Variants in RBMS3 observed in about 807,000 individuals in gnomAD.
RBMS3 encodes RNA binding motif single stranded interacting protein 3.
A neutral mutation model predicts 66.8 loss-of-function variants in RBMS3; 27 were observed. That is an observed-to-expected ratio of 0.40 (90% CI 0.30 to 0.56). The LOEUF is 0.56. Among genes scored for constraint, RBMS3 ranks in the 20% least tolerant of loss-of-function variants. RBMS3 has a pLI of 0.40. For missense variants in RBMS3, 513 were observed against 549.5 expected (o/e 0.93, Z 0.66); for synonymous variants, 188 against 183.0 (o/e 1.03, Z -0.22).
intron 3 of RBMS3, among the ~76,000 whole-genome samples, chr3:29,571,356 T>C (rs2149067112): frequency 1.3e-5 from 2 of 152,264 alleles, no homozygotes; most frequent in South Asian, 4.1e-4. Context: ...GTTTTTGCTT[T>C]GGTTGCCTGT....
intron 4 of RBMS3, among the ~76,000 whole-genome samples, chr3:29,631,237 C>T (rs2049271650): frequency 6.6e-6 from 1 of 151,662 alleles, no homozygotes; most frequent in African/African-American, 2.4e-5. Flanking sequence ...TTCCTTGAGG[C>T]TCTACTTTTT....
intron 2 of RBMS3, among the ~76,000 whole-genome samples, chr3:29,480,686 A>G (rs1421749858): frequency 1.3e-5 from 2 of 152,232 alleles, no homozygotes; most frequent in South Asian, 2.1e-4. Flanking sequence ...AGAAAGAAGT[A>G]GCTTGAGTAG....
At chr3:29,666,567 A>C (rs1221443233) in intron 4 of RBMS3, among the ~76,000 whole-genome samples, 1 of 152,100 alleles carries the variant, frequency 6.6e-6, no homozygotes, top group African/African-American at 2.4e-5. Context: ...GAGAAAGCTA[A>C]CTCCTTTTTA....
chr3:29,622,888 G>A (rs924416576), intron 4 of RBMS3, among the ~76,000 whole-genome samples: 1 of 152,128 alleles, frequency 6.6e-6, no homozygotes, highest in Non-Finnish European at 1.5e-5. Context: ...AGGCCAAGGC[G>A]GTTGGATCAC....
intron 3 of RBMS3, among the ~76,000 whole-genome samples, chr3:29,576,827 C>A (rs746405085): frequency 6.6e-6 from 1 of 152,194 alleles, no homozygotes; most frequent in East Asian, 1.9e-4. Context: ...AGTGACTCTT[C>A]AGTCAGCTTG....
intron 4 of RBMS3, among the ~76,000 whole-genome samples, chr3:29,663,739 G>A (rs190388479): frequency 6.1e-5 from 9 of 148,250 alleles, no homozygotes; most frequent in South Asian, 2.1e-4. Flanking sequence ...TCAGACATTC[G>A]TAGATTGTTT....
intron 3 of RBMS3, among the ~76,000 whole-genome samples, chr3:29,542,113 C>T (rs1482940086): frequency 3.3e-5 from 5 of 152,166 alleles, no homozygotes; most frequent in East Asian, 1.9e-4. Flanking sequence ...CTGCAACAGA[C>T]CCTGTATGTC....
chr3:29,503,438 G>C (rs905279364), intron 3 of RBMS3, among the ~76,000 whole-genome samples: 1 of 151,660 alleles, frequency 6.6e-6, no homozygotes, highest in African/African-American at 2.4e-5. Context: ...TTATTTCCTC[G>C]TACTCACTCT....
At chr3:29,338,008 C>T (rs1296890332) in intron 1 of RBMS3, among the ~76,000 whole-genome samples, 1 of 152,118 alleles carries the variant, frequency 6.6e-6, no homozygotes, top group Admixed American at 6.6e-5. Context: ...TTTGACCTCT[C>T]CATTTTTGAG....
chr3:29,288,515 T>C (rs1159994553), intron 1 of RBMS3, among the ~76,000 whole-genome samples: 5 of 151,922 alleles, frequency 3.3e-5, no homozygotes, highest in African/African-American at 1.2e-4. Flanking sequence ...TCTGAGTGGG[T>C]AAAATTAAGG....
chr3:29,360,858 T>A (rs1050691321), intron 1 of RBMS3, among the ~76,000 whole-genome samples: 1 of 152,040 alleles, frequency 6.6e-6, no homozygotes, highest in Non-Finnish European at 1.5e-5. Flanking sequence ...CATCAGAGAC[T>A]AGGATTGCAA....
At chr3:29,508,193 C>G (rs2044259719) in intron 3 of RBMS3, among the ~76,000 whole-genome samples, 1 of 151,954 alleles carries the variant, frequency 6.6e-6, no homozygotes, top group Non-Finnish European at 1.5e-5. Flanking sequence ...ATTTTTTCCC[C>G]ATATCTCCTT....
chr3:29,391,702 T>C (rs1016877612), intron 1 of RBMS3, among the ~76,000 whole-genome samples: 13 of 152,164 alleles, frequency 8.5e-5, no homozygotes, highest in African/African-American at 3.1e-4. Flanking sequence ...GGCTCACCCT[T>C]GGGAAAAGAT....
At chr3:29,456,363 A>G (rs1469602322) in intron 2 of RBMS3, among the ~76,000 whole-genome samples, 1 of 152,154 alleles carries the variant, frequency 6.6e-6, no homozygotes, top group Non-Finnish European at 1.5e-5. Flanking sequence ...TTATACTAAA[A>G]ATAAAGTATA....
chr3:29,701,169 T>C (rs994162255), intron 4 of RBMS3, among the ~76,000 whole-genome samples: 1 of 151,728 alleles, frequency 6.6e-6, no homozygotes, highest in Non-Finnish European at 1.5e-5. Context: ...CCCAGCTACT[T>C]GGAAGGCTGA....
intron 1 of RBMS3, among the ~76,000 whole-genome samples, chr3:29,338,057 A>T (rs1235134105): frequency 6.6e-6 from 1 of 152,170 alleles, no homozygotes; most frequent in African/African-American, 2.4e-5. Context: ...AGTGACAGAA[A>T]GCCTCAAGAC....
In RBMS3 at chr3:29,425,257, C is replaced by T. The variant is rs111845719; in HGVS notation, c.76-9486C>T. ...GGCGTGGTGTCACCCGCCTGTAGTC[C>T]CAGCTAGTTGGGAGGCTGAGTCAGG... On this transcript the variant is annotated intron_variant, in intron 1 of 14. Coordinates refer to ENST00000383767, the MANE Select transcript of RBMS3 (RefSeq NM_001003793.3). Among the ~76,000 whole-genome samples the T allele has an allele frequency of 5.8e-4, 87 of 149,274 alleles. 1 individual carries two copies. The highest frequency in any genetic ancestry group is 1.2e-3 in the Non-Finnish European group (78 of 67,158).
intron 6 of RBMS3, among the ~76,000 whole-genome samples, chr3:29,818,294 C>T (rs2057974200): frequency 6.6e-6 from 1 of 151,860 alleles, no homozygotes; most frequent in Non-Finnish European, 1.5e-5. Context: ...CATTTAGTTA[C>T]TATTTTAAAA....
intron 3 of RBMS3, among the ~76,000 whole-genome samples, chr3:29,541,667 C>T (rs2045766040): frequency 6.6e-6 from 1 of 152,162 alleles, no homozygotes; most frequent in African/African-American, 2.4e-5. Context: ...GGGGTCATGT[C>T]AAAATGTCAT....
Sources: allele counts gnomAD v4.1 joint callset (sites outside exome capture counted in the v4.1 genomes callset), GRCh38; gene constraint gnomAD v4.1.1; transcripts MANE v1.5; gene names NCBI Gene and HGNC (gene_info 2026-07-23, HGNC 2026-07-21).